The following ARHGAP25 variants were observed in gnomAD, a reference collection of about 807,000 sequenced individuals.
The protein encoded by ARHGAP25 is Rho GTPase activating protein 25.
ARHGAP25 carries 34 observed loss-of-function variants against 71.0 expected under a neutral mutation model. That is an observed-to-expected ratio of 0.48 (90% CI 0.36 to 0.64). The LOEUF (loss-of-function observed/expected upper bound fraction) is 0.64, where lower values mean the gene tolerates loss of function less well. ARHGAP25 is among the 30% of genes least tolerant of loss of function. The pLI is 0.00. For missense variants in ARHGAP25, 706 were observed against 805.1 expected (o/e 0.88, Z 1.49); for synonymous variants, 282 against 296.5 (o/e 0.95, Z 0.50).
chr2:68,722,568 A>G (rs1005634485), intron 2 of ARHGAP25, among the ~76,000 whole-genome samples: 1 of 128,748 alleles, frequency 7.8e-6, no homozygotes, highest in Non-Finnish European at 1.6e-5. Context: ...ACAGAGCGAG[A>G]CCCTGTCTGA....
At chr2:68,730,653 A>G (rs1169376560), upstream of ARHGAP25, among the ~76,000 whole-genome samples, 2 of 107,266 alleles carry the variant, frequency 1.9e-5, no homozygotes, top group African/African-American at 8.4e-5. Flanking sequence ...CTGTCTCAGA[A>G]AAAAAAAAAA....
chr2:68,743,750 C>T (rs1370170920), intron 1 of ARHGAP25, among the ~76,000 whole-genome samples: 1 of 152,042 alleles, frequency 6.6e-6, no homozygotes, highest in Non-Finnish European at 1.5e-5. Context: ...TTCCTGTGAG[C>T]GTTCCTCATT....
chr2:68,737,910 G>T (rs765541418), intron 1 of ARHGAP25, among the ~76,000 whole-genome samples: 83 of 152,126 alleles, frequency 5.5e-4, no homozygotes, highest in Non-Finnish European at 1.0e-3. Context: ...CGAGGGGAGG[G>T]ACTCTCCACT....
chr2:68,821,906 G>GTTTTTTTTTTTTTT (rs59964574), intron 9 of ARHGAP25, among the ~76,000 whole-genome samples: 1 of 81,640 alleles, frequency 1.2e-5, no homozygotes, highest in Non-Finnish European at 2.3e-5. Flanking sequence ...CTTTTTGCTA[G>GTTTTTTTTTTTTTT]TTTTTTTTTT....
chr2:68,813,141 T>C (rs954467692), intron 5 of ARHGAP25, 146 bp from the exon 6 acceptor site: 1 of 826,514 alleles, frequency 1.2e-6, no homozygotes, highest in Non-Finnish European at 1.7e-6. Context: ...TGTTTTGGTC[T>C]GATTCTTCTT....
intron 2 of ARHGAP25, among the ~76,000 whole-genome samples, chr2:68,719,248 G>A (rs535267172): frequency 1.3e-5 from 2 of 152,038 alleles, no homozygotes; most frequent in African/African-American, 2.4e-5. Context: ...CCAGTTTATG[G>A]CCAGTCTGTT....
At chr2:68,735,518 G>A in intron 1 of ARHGAP25, 1 of 568,574 alleles carries the variant, frequency 1.8e-6, no homozygotes, top group East Asian at 2.9e-5. Context: ...ATGATTTAAG[G>A]CTACAGACTA....
At chr2:68,810,017 A>T (rs1680661008) in intron 5 of ARHGAP25, among the ~76,000 whole-genome samples, 1 of 151,986 alleles carries the variant, frequency 6.6e-6, no homozygotes, top group Non-Finnish European at 1.5e-5. Context: ...TACAAGCATC[A>T]ATGCCCCCAG....
Position 68,803,718 on chromosome 2 carries a change from C to T in ARHGAP25, c.467-3555C>T, listed in dbSNP as rs148217092. Reference sequence around the variant, plus strand: ...CATCATCCTAGATGAAAGGTAGGGCCCTTTTCTTCCTCTGGGAGAAGACAG... The same window carrying T: ...CATCATCCTAGATGAAAGGTAGGGCTCTTTTCTTCCTCTGGGAGAAGACAG... On this transcript the variant is annotated intron_variant, in intron 4 of 10. Coordinates refer to ENST00000409202, the MANE Select transcript of ARHGAP25 (RefSeq NM_001007231.3). Among the ~76,000 whole-genome samples the T allele has an allele frequency of 1.6e-3, 236 of 151,704 alleles. 4 individuals are homozygous for T. In the East Asian group the frequency reaches 0.042, roughly 27 times the overall value.
chr2:68,730,020 A>T (rs1409331427), upstream of ARHGAP25, among the ~76,000 whole-genome samples: 1 of 152,250 alleles, frequency 6.6e-6, no homozygotes, highest in Non-Finnish European at 1.5e-5. Context: ...CTCTCATCAT[A>T]TAATTAAAAA....
upstream of ARHGAP25, among the ~76,000 whole-genome samples, chr2:68,732,998 T>C (rs917854189): frequency 3.9e-5 from 6 of 152,250 alleles, no homozygotes; most frequent in African/African-American, 1.4e-4. Flanking sequence ...TGGAATCATC[T>C]GCAAATATGT....
intron 1 of ARHGAP25, among the ~76,000 whole-genome samples, chr2:68,744,373 T>G (rs755869957): frequency 3.3e-5 from 5 of 152,206 alleles, no homozygotes; most frequent in African/African-American, 1.2e-4. Context: ...TCTGCGAGAT[T>G]GTACCGTTTT....
In ARHGAP25 at chr2:68,769,104, A is replaced by G. The variant is rs574321879; in HGVS notation, c.62-6117A>G. 4.6e-5 allele frequency among the ~76,000 whole-genome samples: 7 copies of G among 152,172 alleles called. No individual in the cohort carries two copies. In the South Asian group the frequency reaches 1.2e-3, roughly 27 times the overall value. On this transcript the variant is annotated intron_variant, in intron 1 of 10. Transcript: ENST00000409202. ...TGAGTCCTCTCAGTATTAGCCTCTC[A>G]TATTGTTTCCTCTTCCATCCTAATC...
At chr2:68,762,901 AC>A (rs1455786899) in intron 1 of ARHGAP25, among the ~76,000 whole-genome samples, 6 of 151,960 alleles carry the variant, frequency 3.9e-5, no homozygotes, top group Non-Finnish European at 8.8e-5. Context: ...TAAAAGGGAA[AC>A]CCCCTAACAC....
In ARHGAP25 at chr2:68,822,485, G is replaced by A. The variant is rs374170016; in HGVS notation, c.1346G>A (p.Cys449Tyr). 7.4e-6 allele frequency: 12 copies of A among 1,614,220 alleles called. No homozygotes were observed. The African/African-American group carries it at 1.5e-4, about 20-fold the overall frequency. Residue 449 changes from cysteine to tyrosine, a missense_variant, in exon 10 of 11, where the codon TGT (cysteine) becomes TAT (tyrosine). Physicochemically the swap from Cys to Tyr is radical, Grantham distance 194. Coordinates refer to ENST00000409202, the MANE Select transcript of ARHGAP25 (RefSeq NM_001007231.3). ...KRTQTLPNRK[C>Y]FLTSAFQGAN... ...ACTCAAACACTCCCTAACCGGAAAT[G>A]TTTCTTGACATCAGCTTTTCAGGGT...
intron 3 of ARHGAP25, among the ~76,000 whole-genome samples, chr2:68,785,302 G>T (rs1436951811): frequency 6.6e-6 from 1 of 152,170 alleles, no homozygotes; most frequent in Non-Finnish European, 1.5e-5. Flanking sequence ...AGTAGTGGGG[G>T]CAAGGGCAGA....
At chr2:68,712,683 G>T (rs7582370) in intron 2 of ARHGAP25, among the ~76,000 whole-genome samples, 35,750 of 152,100 alleles carry the variant, frequency 0.24, 4,456 homozygotes, top group East Asian at 0.37. Context: ...GTTAACTTTT[G>T]TATAAAGTGT....
chr2:68,747,875 G>A (rs770520276), intron 1 of ARHGAP25, among the ~76,000 whole-genome samples: 10 of 151,622 alleles, frequency 6.6e-5, no homozygotes, highest in East Asian at 3.9e-4. Context: ...GACTATTTCC[G>A]TTATCTCCAA....
At chr2:68,751,726 T>C (rs571593444) in intron 1 of ARHGAP25, among the ~76,000 whole-genome samples, 1 of 152,336 alleles carries the variant, frequency 6.6e-6, no homozygotes, top group South Asian at 2.1e-4. Context: ...TTAAAACCAT[T>C]GCTTTATGTT....
Sources: allele counts gnomAD v4.1 joint callset (sites outside exome capture counted in the v4.1 genomes callset), GRCh38; gene constraint gnomAD v4.1.1; transcripts MANE v1.5; gene names NCBI Gene and HGNC (gene_info 2026-07-23, HGNC 2026-07-21).